The following HECW2 variants were observed in gnomAD, a reference collection of about 807,000 sequenced individuals.
The protein encoded by HECW2 is E3 ubiquitin-protein ligase HECW2.
In HECW2, 61 loss-of-function variants were observed where a neutral mutation model predicts 175.2. The observed-to-expected ratio is 0.35, with a 90% CI of 0.28 to 0.43. The LOEUF (loss-of-function observed/expected upper bound fraction) is 0.43, where lower values mean the gene tolerates loss of function less well. Among genes scored for constraint, HECW2 ranks in the 20% least tolerant of loss-of-function variants. HECW2 has a pLI of 1.00. For synonymous variants in HECW2, 671 were observed against 731.0 expected, an observed-to-expected ratio of 0.92 and a Z score of 1.32; for missense variants, 1,524 against 2,000.5, an observed-to-expected ratio of 0.76 and a Z score of 4.54.
chr2:196,397,561 C>T (rs1445612468), intron 2 of HECW2, among the ~76,000 whole-genome samples: 1 of 152,178 alleles, frequency 6.6e-6, no homozygotes, highest in Non-Finnish European at 1.5e-5. Flanking sequence ...AAAATGTATT[C>T]TATTTATGCT....
chr2:196,495,375 T>C (rs999280799), intron 1 of HECW2, among the ~76,000 whole-genome samples: 1 of 152,128 alleles, frequency 6.6e-6, no homozygotes, highest in African/African-American at 2.4e-5. Context: ...CATCACTCTT[T>C]ATACTAGAAA....
chr2:196,236,162 G>T (rs953869256), intron 21 of HECW2, among the ~76,000 whole-genome samples: 1 of 151,954 alleles, frequency 6.6e-6, no homozygotes, highest in African/African-American at 2.4e-5. Context: ...TACTAATTTG[G>T]ACTTCCCACA....
In HECW2 at chr2:196,409,287, T is replaced by A. The variant is rs577015808; in HGVS notation, c.292+23845A>T. Among the ~76,000 whole-genome samples the A allele has an allele frequency of 1.3e-4, 20 of 152,286 alleles. No homozygotes were observed. In the South Asian group the frequency reaches 3.7e-3, roughly 28 times the overall value. On this transcript the variant is annotated intron_variant, in intron 2 of 28. Coordinates refer to ENST00000644978, the MANE Select transcript of HECW2 (RefSeq NM_001348768.2). ...TTCTAATATTCCCATTAACTGACCA[T>A]GAAAACTGGAGCAAGTTTCTAAATC...
intron 1 of HECW2, among the ~76,000 whole-genome samples, chr2:196,584,275 A>G (rs1044969435): frequency 1.3e-5 from 2 of 152,126 alleles, no homozygotes; most frequent in Admixed American, 1.3e-4. Flanking sequence ...TATTTATGGG[A>G]CAGGAAGAAG....
At chr2:196,219,195 CT>C (rs764721482) in intron 26 of HECW2, among the ~76,000 whole-genome samples, 3 of 152,228 alleles carry the variant, frequency 2.0e-5, no homozygotes, top group Non-Finnish European at 4.4e-5. Flanking sequence ...TACTTCTAAT[CT>C]CTTATACTTT....
At chr2:196,380,711 C>T (rs1170853050) in intron 2 of HECW2, among the ~76,000 whole-genome samples, 1 of 152,144 alleles carries the variant, frequency 6.6e-6, no homozygotes, top group African/African-American at 2.4e-5. Flanking sequence ...CAAACCCATT[C>T]TGCTGCCGTT....
Position 196,225,704 on chromosome 2 carries a change from G to T in HECW2, c.4016+68C>A, listed in dbSNP as rs563014201. The T allele has an allele frequency of 6.2e-6, 6 of 974,638 alleles. No individual in the cohort carries two copies. The South Asian group carries it at 6.6e-5, about 11-fold the overall frequency. 60.4% of individuals were successfully genotyped at this position (974,638 alleles called of 1,614,324 possible). On this transcript the variant is annotated intron_variant, in intron 23 of 28. Transcript: ENST00000644978. Reference sequence around the variant, plus strand: ...CAGATAAACAATGACTTTGACAGAAGAATTTTTTCAAAAAAGTAAATACTG... The same window carrying T: ...CAGATAAACAATGACTTTGACAGAATAATTTTTTCAAAAAAGTAAATACTG...
intron 14 of HECW2, among the ~76,000 whole-genome samples, chr2:196,280,956 G>A (rs760668106): frequency 6.6e-6 from 1 of 152,124 alleles, no homozygotes; most frequent in Non-Finnish European, 1.5e-5. Context: ...TCTTGTTTAA[G>A]GGAAAAATAC....
chr2:196,570,260 CA>C (rs1318547520), intron 1 of HECW2, among the ~76,000 whole-genome samples: 1 of 152,026 alleles, frequency 6.6e-6, no homozygotes, highest in Admixed American at 6.6e-5. Context: ...ATGTAATTAC[CA>C]TAATCATTTT....
intron 14 of HECW2, chr2:196,288,462 C>G (rs1690476845): frequency 6.6e-6 from 1 of 152,280 alleles, no homozygotes; most frequent in South Asian, 2.1e-4. Context: ...CAGCAAAGAA[C>G]TGTAACACCA....
intron 2 of HECW2, among the ~76,000 whole-genome samples, chr2:196,359,355 G>C (rs1490553478): frequency 2.0e-5 from 3 of 152,148 alleles, no homozygotes; most frequent in South Asian, 2.1e-4. Context: ...GGCTGAGGCA[G>C]GAGAATCGCT....
In HECW2 at chr2:196,319,322, G is replaced by T. The variant is rs958764823; in HGVS notation, c.1568C>A (p.Ala523Asp). 5.6e-6 allele frequency: 9 copies of T among 1,613,996 alleles called. No individual in the cohort carries two copies. The highest frequency in any genetic ancestry group is 7.6e-6 in the Non-Finnish European group (9 of 1,179,972). The change falls in exon 9 of 29, where the codon GCT becomes GAT. Residue 523 changes from alanine to aspartate, a missense_variant. Ala to Asp is a moderately radical substitution (Grantham distance 126, BLOSUM62 -2). Transcript: ENST00000644978. ...TTCTGGCTTATCCTCAAAGGAAGCAGCTTCGTGTGTGGAGGCTTCCTCATT... is the reference window on the plus strand; with the variant it reads ...TTCTGGCTTATCCTCAAAGGAAGCATCTTCGTGTGTGGAGGCTTCCTCATT... ...VENEEASTHE[A>D]ASFEDKPENL...
chr2:196,307,416 C>T (rs1363667906), intron 11 of HECW2, among the ~76,000 whole-genome samples, 183 bp from the exon 12 acceptor site: 1 of 152,162 alleles, frequency 6.6e-6, no homozygotes, highest in African/African-American at 2.4e-5. Flanking sequence ...TTCTTCTGTC[C>T]ATTGTTTGGG....
chr2:196,281,442 A>G (rs1009171798), intron 14 of HECW2, among the ~76,000 whole-genome samples: 8 of 152,040 alleles, frequency 5.3e-5, no homozygotes, highest in Non-Finnish European at 1.5e-5. Flanking sequence ...GTTCAAGGCC[A>G]GCCTGGGCAA....
intron 3 of HECW2, among the ~76,000 whole-genome samples, chr2:196,335,904 T>C (rs1406883643): frequency 6.6e-6 from 1 of 152,164 alleles, no homozygotes; most frequent in Non-Finnish European, 1.5e-5. Context: ...TGTTCTGTAG[T>C]GTAGCTGCTG....
chr2:196,401,109 T>C (rs1278673345), intron 2 of HECW2, among the ~76,000 whole-genome samples: 1 of 152,244 alleles, frequency 6.6e-6, no homozygotes. Context: ...AGCAGTTTCA[T>C]GCCTAGAAAT....
In HECW2 at chr2:196,218,592, C is replaced by T. The variant is rs150855424; in HGVS notation, c.4408+1447G>A. Reference sequence around the variant, plus strand: ...ACTTTGGGAGGCCAAGGCAGGAGATCGCTTGAGGCCAGGAATTCGAGACCA... The same window carrying T: ...ACTTTGGGAGGCCAAGGCAGGAGATTGCTTGAGGCCAGGAATTCGAGACCA... On this transcript the variant is annotated intron_variant, in intron 26 of 28. Transcript: ENST00000644978. 4.5e-4 allele frequency among the ~76,000 whole-genome samples: 69 copies of T among 152,080 alleles called. No individual in the cohort carries two copies. In the East Asian group the frequency reaches 0.011, roughly 25 times the overall value.
chr2:196,317,198 G>C, intron 10 of HECW2, 76 bp downstream of exon 10: 1 of 1,109,058 alleles, frequency 9.0e-7, no homozygotes, highest in Non-Finnish European at 1.3e-6. Context: ...CATCTTTTGA[G>C]ACTCATGGGA....
At chr2:196,567,511 G>A (rs1186661370) in intron 1 of HECW2, among the ~76,000 whole-genome samples, 1 of 152,144 alleles carries the variant, frequency 6.6e-6, no homozygotes. Flanking sequence ...GGTGACCCTT[G>A]TTTGTCACAG....
Sources: allele counts gnomAD v4.1 joint callset (sites outside exome capture counted in the v4.1 genomes callset), GRCh38; gene constraint gnomAD v4.1.1; transcripts MANE v1.5; gene names NCBI Gene and HGNC (gene_info 2026-07-23, HGNC 2026-07-21).